Variants in DNAAF11 observed in about 807,000 individuals in gnomAD.
The protein encoded by DNAAF11 is dynein axonemal assembly factor 11.
Under a neutral mutation model 60.8 loss-of-function variants are expected in DNAAF11, and 45 were observed. The observed-to-expected ratio is 0.74, with a 90% CI of 0.58 to 0.95. The LOEUF is 0.95. DNAAF11 is among the 40% of genes least tolerant of loss of function. The pLI is 0.00. For missense variants in DNAAF11, 546 were observed against 546.2 expected (o/e 1.00, Z 0.00); for synonymous variants, 191 against 183.5 (o/e 1.04, Z -0.33).
chr8:132,594,081 A>T (rs143463264), intron 10 of DNAAF11, among the ~76,000 whole-genome samples: 1 of 152,322 alleles, frequency 6.6e-6, no homozygotes, highest in East Asian at 1.9e-4. Flanking sequence ...AATAATAAGC[A>T]GAATAAAATA....
chr8:132,677,836 G>T (rs1379893349), upstream of DNAAF11, among the ~76,000 whole-genome samples: 1 of 152,140 alleles, frequency 6.6e-6, no homozygotes, highest in Non-Finnish European at 1.5e-5. Flanking sequence ...GAGGAAAGGA[G>T]CCCTCTGTCC....
At chr8:132,622,143 T>A (rs1306006221) in intron 7 of DNAAF11, among the ~76,000 whole-genome samples, 1 of 152,206 alleles carries the variant, frequency 6.6e-6, no homozygotes, top group South Asian at 2.1e-4. Context: ...TGAGTATCCA[T>A]CCTCTCATTA....
the DNAAF11 span, among the ~76,000 whole-genome samples, chr8:132,690,897 C>A: frequency 6.6e-6 from 1 of 152,188 alleles, no homozygotes. Flanking sequence ...CATAACATCA[C>A]GGGTATTGGC....
intron 11 of DNAAF11, among the ~76,000 whole-genome samples, chr8:132,579,921 G>T (rs886795344): frequency 5.9e-5 from 9 of 151,956 alleles, no homozygotes; most frequent in African/African-American, 2.2e-4. Flanking sequence ...CGCTTGAACT[G>T]GGAGGCGGAA....
At chr8:132,661,221 G>A (rs1824097855) in intron 2 of DNAAF11, among the ~76,000 whole-genome samples, 1 of 151,764 alleles carries the variant, frequency 6.6e-6, no homozygotes, top group African/African-American at 2.4e-5. Context: ...AGATGATCAG[G>A]TCAACTAATG....
rs1820165617 is a variant in DNAAF11, at chr8:132,625,448, A to C, written c.660T>G (p.Ser220=). The C allele has an allele frequency of 1.2e-6, 2 of 1,603,298 alleles. No individual in the cohort carries two copies. Among genetic ancestry groups the C allele is most frequent in the Non-Finnish European group, 1.7e-6 (2 of 1,176,366 alleles). ...CCTGTAGGTGGTCTTTGCTCTCTAA[A>C]GAGGAACTAGGAAAAACAAATAGAG... The part of the protein sequence containing the change: ...WYTDINATLS[S]LESKDHLQAP... Residue 220 remains serine (S), a synonymous_variant, in exon 6 of 12, where the codon TCT becomes TCG. Coordinates refer to ENST00000620350, the MANE Select transcript of DNAAF11 (RefSeq NM_012472.6).
At chr8:132,640,102 C>T (rs1043382497) in intron 3 of DNAAF11, among the ~76,000 whole-genome samples, 1 of 152,150 alleles carries the variant, frequency 6.6e-6, no homozygotes, top group African/African-American at 2.4e-5. Flanking sequence ...GTCTAATAGA[C>T]CTTCTTCAAC....
At chr8:132,643,578 T>C in intron 3 of DNAAF11, 1 of 453,974 alleles carries the variant, frequency 2.2e-6, no homozygotes, top group Middle Eastern at 3.3e-4. Flanking sequence ...ATCCTGTCAA[T>C]GTCATATGAA....
At chr8:132,574,162 A>C (rs939625881) in intron 11 of DNAAF11, among the ~76,000 whole-genome samples, 1 of 152,220 alleles carries the variant, frequency 6.6e-6, no homozygotes, top group African/African-American at 2.4e-5. Context: ...TTGTGGCATC[A>C]GCTATGATGC....
At chr8:132,614,720 A>T (rs922114702) in intron 8 of DNAAF11, among the ~76,000 whole-genome samples, 4 of 152,188 alleles carry the variant, frequency 2.6e-5, no homozygotes, top group Admixed American at 2.6e-4. Context: ...ATTTTAGACA[A>T]AAACAGAGGA....
At chr8:132,659,927 A>C (rs1053309059) in intron 2 of DNAAF11, among the ~76,000 whole-genome samples, 1 of 152,124 alleles carries the variant, frequency 6.6e-6, no homozygotes, top group African/African-American at 2.4e-5. Context: ...CCTCCCATAC[A>C]CATGCGACAA....
chr8:132,699,433 G>A, the DNAAF11 span, among the ~76,000 whole-genome samples: 2 of 152,162 alleles, frequency 1.3e-5, no homozygotes, highest in Non-Finnish European at 2.9e-5. Context: ...AGGTGGGATT[G>A]AGGGTAATTA....
rs898653781 is a variant in DNAAF11, at chr8:132,599,667, C to T, written c.1140+10499G>A. On this transcript the variant is annotated intron_variant, in intron 10 of 11. Transcript: ENST00000620350. The stretch of plus-strand genomic sequence containing the variant: ...TCCAGCATATAAACAGAACCAAAGA[C>T]AAAAACCACAGGATTATCTCAATAG... Among the ~76,000 whole-genome samples, 16 of 152,246 alleles carry T rather than the reference C, an allele frequency of 1.1e-4. No homozygotes were observed. In the East Asian group the frequency reaches 1.4e-3, roughly 13 times the overall value.
intron 6 of DNAAF11, 44 bp downstream of exon 6, chr8:132,625,228 G>A (rs1401624764): frequency 2.8e-6 from 4 of 1,409,794 alleles, no homozygotes; most frequent in African/African-American, 1.4e-5. Flanking sequence ...AAATATAGTT[G>A]ATAAGTGGCT....
intron 3 of DNAAF11, among the ~76,000 whole-genome samples, chr8:132,642,314 T>C (rs1821935771): frequency 6.6e-6 from 1 of 152,266 alleles, no homozygotes. Context: ...ACTATCTTTA[T>C]TTGAAGGTCA....
the DNAAF11 span, among the ~76,000 whole-genome samples, chr8:132,695,912 A>G: frequency 8.5e-5 from 13 of 152,354 alleles, no homozygotes; most frequent in South Asian, 2.7e-3. Flanking sequence ...TAAGAACACA[A>G]AGGAATATAT....
chr8:132,654,585 A>C (rs774513571), intron 3 of DNAAF11, among the ~76,000 whole-genome samples: 4 of 151,892 alleles, frequency 2.6e-5, no homozygotes, highest in Non-Finnish European at 5.9e-5. Flanking sequence ...TCTTTCTTTG[A>C]CCTCAATGGA....
intron 3 of DNAAF11, among the ~76,000 whole-genome samples, chr8:132,638,409 T>G (rs2130548572): frequency 6.6e-6 from 1 of 152,174 alleles, no homozygotes; most frequent in African/African-American, 2.4e-5. Flanking sequence ...CTATCTGGCA[T>G]GAAAAAAGGA....
the DNAAF11 span, among the ~76,000 whole-genome samples, chr8:132,683,830 C>A: frequency 6.6e-6 from 1 of 151,468 alleles, no homozygotes; most frequent in East Asian, 2.0e-4. Flanking sequence ...GCTCAAGTGA[C>A]CCCTCCCTCC....
Sources: gnomAD v4.1 joint callset for allele counts (sites outside exome capture counted in the v4.1 genomes callset) on GRCh38, gnomAD v4.1.1 for gene constraint, MANE v1.5 for transcripts, NCBI Gene and HGNC (gene_info 2026-07-23, HGNC 2026-07-21) for gene names.